Variants in CACUL1 observed in about 807,000 individuals in gnomAD.
CACUL1 encodes CDK2 associated cullin domain 1, also known as CDK2-associated and cullin domain-containing protein 1.
A neutral mutation model predicts 45.2 loss-of-function variants in CACUL1; 13 were observed. The ratio of observed to expected loss-of-function variants is 0.29; its 90% confidence interval spans 0.19 to 0.46. The LOEUF is 0.46. CACUL1 is among the 20% of genes least tolerant of loss of function. CACUL1 has a pLI of 1.00. For missense variants in CACUL1, 421 were observed against 471.4 expected, an observed-to-expected ratio of 0.89 and a Z score of 0.99; for synonymous variants, 197 against 174.2, an observed-to-expected ratio of 1.13 and a Z score of -1.03.
intron 1 of CACUL1, among the ~76,000 whole-genome samples, chr10:118,751,368 T>A (rs929903491): frequency 6.6e-6 from 1 of 152,180 alleles, no homozygotes. Flanking sequence ...GTTTTTCTTT[T>A]CACATTTAGG....
chr10:118,702,471 T>C (rs1027561285), intron 4 of CACUL1, among the ~76,000 whole-genome samples: 1 of 152,242 alleles, frequency 6.6e-6, no homozygotes, highest in Non-Finnish European at 1.5e-5. Context: ...GGAGTTTTAT[T>C]ATAAGAGATA....
At position 118,684,060 on chromosome 10, in the gene CACUL1, AATAC is replaced by A. The variant is rs1342295924; in HGVS notation, c.*2064_*2067del. ...AACTTTACTTTGCCCACTTTTTATT[AATAC>A]ATACATAGTAAAAAGAATATATTTC... On this transcript the variant is annotated 3_prime_UTR_variant, in exon 9 of 9. Transcript: ENST00000369151. 1.3e-5 allele frequency: 2 copies of A among 152,664 alleles called. No individual in the cohort carries two copies. The highest frequency in any genetic ancestry group is 2.9e-5 in the Non-Finnish European group (2 of 68,046). The allele number at this position is 152,664 out of a possible 1,614,324, so 9.5% of individuals were successfully genotyped here.
intron 1 of CACUL1, among the ~76,000 whole-genome samples, chr10:118,754,182 A>C (rs1845927616): frequency 6.6e-6 from 1 of 152,166 alleles, no homozygotes; most frequent in African/African-American, 2.4e-5. Flanking sequence ...CAGGTAATAC[A>C]AGAAGCCAGG....
At position 118,683,920 on chromosome 10, in the gene CACUL1, G is replaced by C. The variant is rs1845180883; in HGVS notation, c.*2208C>G. 1 of 152,298 alleles carries C rather than the reference G, an allele frequency of 6.6e-6. No homozygotes were observed. Among genetic ancestry groups the C allele is most frequent in the Non-Finnish European group, 1.5e-5 (1 of 68,048 alleles). 9.4% of individuals were successfully genotyped at this position (152,298 alleles called of 1,614,324 possible). A position where few individuals can be genotyped will look rare whatever the true frequency, so the allele number is the denominator to read the frequency against. On this transcript the variant is annotated 3_prime_UTR_variant, in exon 9 of 9. Coordinates refer to ENST00000369151, the MANE Select transcript of CACUL1 (RefSeq NM_153810.5). Reference sequence around the variant, plus strand: ...TTAACAGCCAGGACATGTAGACTGGGAGACTATGTACAACCTTTCTATAGT... The same window carrying C: ...TTAACAGCCAGGACATGTAGACTGGCAGACTATGTACAACCTTTCTATAGT...
chr10:118,750,895 T>C (rs1025129115), intron 1 of CACUL1, among the ~76,000 whole-genome samples: 6 of 152,230 alleles, frequency 3.9e-5, no homozygotes, highest in Admixed American at 1.3e-4. Flanking sequence ...ATGGGATATT[T>C]TGATACAGGC....
rs1487482132 is a variant in CACUL1 at position 118,683,892 on chromosome 10, T to G, written c.*2236A>C. On this transcript the variant is annotated 3_prime_UTR_variant, in exon 9 of 9. Coordinates refer to ENST00000369151, the MANE Select transcript of CACUL1 (RefSeq NM_153810.5). ...TGTGATGTGCCTCAAGGGGCCAAGA[T>G]GATTAACAGCCAGGACATGTAGACT... is the stretch of plus-strand genomic sequence containing the variant. 1 of 152,202 alleles carries G rather than the reference T, an allele frequency of 6.6e-6. No individual in the cohort carries two copies. The highest frequency in any genetic ancestry group is 1.9e-4 in the East Asian group (1 of 5,194). The allele number at this position is 152,202 out of a possible 1,614,324, so 9.4% of individuals were successfully genotyped here. A position where few individuals can be genotyped will look rare whatever the true frequency, so the allele number is the denominator to read the frequency against.
intron 3 of CACUL1, among the ~76,000 whole-genome samples, chr10:118,722,775 G>A (rs1845613447): frequency 2.0e-5 from 3 of 152,120 alleles, no homozygotes; most frequent in South Asian, 4.1e-4. Context: ...AGGACCAAAC[G>A]GAGGACTAGC....
At chr10:118,708,084 G>T (rs1331487252) in intron 3 of CACUL1, among the ~76,000 whole-genome samples, 1 of 144,474 alleles carries the variant, frequency 6.9e-6, no homozygotes, top group Admixed American at 7.3e-5. Flanking sequence ...GGAGGCAGAG[G>T]TTGCAGTGAG....
intron 1 of CACUL1, among the ~76,000 whole-genome samples, chr10:118,747,499 A>G (rs1330351983): frequency 6.7e-6 from 1 of 148,402 alleles, no homozygotes; most frequent in Non-Finnish European, 1.5e-5. Flanking sequence ...TAAATGATCA[A>G]CCTAATGACC....
intron 3 of CACUL1, among the ~76,000 whole-genome samples, chr10:118,725,704 T>G (rs569918135): frequency 3.2e-4 from 48 of 152,310 alleles, no homozygotes; most frequent in African/African-American, 1.2e-3. Context: ...AAGTAATTTT[T>G]TCCAAAATGA....
chr10:118,753,329 G>T (rs1052948556), intron 1 of CACUL1, among the ~76,000 whole-genome samples: 2 of 152,236 alleles, frequency 1.3e-5, no homozygotes, highest in African/African-American at 4.8e-5. Flanking sequence ...GTAAGATTCC[G>T]ACTATCTGCA....
chr10:118,747,278 G>T (rs559069243), intron 1 of CACUL1, among the ~76,000 whole-genome samples: 1 of 152,200 alleles, frequency 6.6e-6, no homozygotes, highest in Non-Finnish European at 1.5e-5. Flanking sequence ...AATTAAGTAA[G>T]TGGAGCAACT....
In CACUL1 at chr10:118,704,933, G is replaced by A. The variant is rs1315895670; in HGVS notation, c.693+2559C>T. Among the ~76,000 whole-genome samples, 5 of 152,334 alleles carry A rather than the reference G, an allele frequency of 3.3e-5. No homozygotes were observed. The East Asian group carries it at 9.7e-4, about 29-fold the overall frequency. ...GTACAAGCTGTAACACAGGCGAGCT[G>A]GGGCACATCAGCATGGCCGAGCAAG... is the stretch of plus-strand genomic sequence containing the variant. On this transcript the variant is annotated intron_variant, in intron 4 of 8. Coordinates refer to ENST00000369151, the MANE Select transcript of CACUL1 (RefSeq NM_153810.5).
At chr10:118,744,090 A>G (rs1258457708) in intron 1 of CACUL1, among the ~76,000 whole-genome samples, 1 of 152,212 alleles carries the variant, frequency 6.6e-6, no homozygotes, top group Non-Finnish European at 1.5e-5. Context: ...TTCCATTCAT[A>G]TGAAAGATCT....
chr10:118,686,956 C>G (rs1845213405), intron 7 of CACUL1, among the ~76,000 whole-genome samples: 1 of 152,194 alleles, frequency 6.6e-6, no homozygotes, highest in Non-Finnish European at 1.5e-5. Context: ...GTGTCTCCAG[C>G]TTCTCAGACA....
chr10:118,734,856 C>T (rs1347435435), intron 1 of CACUL1, among the ~76,000 whole-genome samples: 1 of 152,122 alleles, frequency 6.6e-6, no homozygotes, highest in Non-Finnish European at 1.5e-5. Context: ...AAGTCTGAAA[C>T]ACATGGAATA....
intron 5 of CACUL1, among the ~76,000 whole-genome samples, chr10:118,697,934 A>G (rs1845338277): frequency 6.6e-6 from 1 of 152,236 alleles, no homozygotes; most frequent in Admixed American, 6.5e-5. Context: ...TTATTTTATA[A>G]GCAAATATGC....
intron 3 of CACUL1, among the ~76,000 whole-genome samples, chr10:118,722,762 A>G (rs1443812356): frequency 1.3e-5 from 2 of 152,214 alleles, no homozygotes; most frequent in African/African-American, 2.4e-5. Context: ...GGGCTTGGAC[A>G]TCAGGACCAA....
intron 1 of CACUL1, among the ~76,000 whole-genome samples, chr10:118,731,140 T>TA (rs1214675680): frequency 6.6e-6 from 1 of 152,126 alleles, no homozygotes; most frequent in Non-Finnish European, 1.5e-5. Context: ...GAAATCCAGG[T>TA]AACAGTTGCT....
Sources: allele counts gnomAD v4.1 joint callset (sites outside exome capture counted in the v4.1 genomes callset), GRCh38; gene constraint gnomAD v4.1.1; transcripts MANE v1.5; gene names NCBI Gene and HGNC (gene_info 2026-07-23, HGNC 2026-07-21).